Variants in TTN observed in about 807,000 individuals in gnomAD.
TTN encodes the protein connectin.
Under a neutral mutation model 3,223.0 loss-of-function variants are expected in TTN, and 1,525 were observed. The ratio of observed to expected loss-of-function variants is 0.47; its 90% CI spans 0.45 to 0.49. The LOEUF (loss-of-function observed/expected upper bound fraction) is 0.49. TTN is among the 20% of genes least tolerant of loss of function. TTN has a pLI of 0.00. For missense variants in TTN, 40,786 were observed against 43,424.0 expected (o/e 0.94, Z 5.40); for synonymous variants, 14,094 against 15,161.0 (o/e 0.93, Z 5.17).
Position 178,740,111 on chromosome 2 carries a change from T to A in TTN, c.13122A>T (p.Gly4374=). The A allele has an allele frequency of 6.2e-7, 1 of 1,613,910 alleles. No individual in the cohort carries two copies. Among genetic ancestry groups the A allele is most frequent in the Non-Finnish European group, 8.5e-7 (1 of 1,179,850 alleles). ...VAIKKVQEVQ[G]RDLLSKESLL... is the part of the protein sequence containing the mutation. ...AGCTTTCCTTAGAAAGAAGGTCCCT[T>A]CCCTGTACCTCCTGCACTTTCTTTA... Residue 4374 remains glycine (G), a synonymous_variant, in exon 48 of 363, where the codon GGA becomes GGT. Coordinates refer to ENST00000589042, the MANE Select transcript of TTN (RefSeq NM_001267550.2).
rs1701982958 is a variant in TTN at position 178,557,548 on chromosome 2, A to G, written c.87714T>C (p.Pro29238=). 2 of 1,605,478 alleles carry G rather than the reference A, an allele frequency of 1.2e-6. No individual in the cohort carries two copies. Among genetic ancestry groups the G allele is most frequent in the African/African-American group, 1.4e-5 (1 of 72,480 alleles). Residue 29238 remains proline (P), a synonymous_variant, in exon 329 of 363, where the codon CCT becomes CCC. Transcript: ENST00000589042. ...CVTVKLPYTT[P]GPPSTPWVTN... is the part of the protein sequence containing the mutation. ...TGACCCATGGTGTAGATGGTGGTCC[A>G]GGTGTTGCTACAAAAGAGAGAAATC...
rs750613160 is a variant in TTN, at chr2:178,664,556, T to A, written c.36203-19A>T. Reference sequence around the variant, plus strand: ...TCCGGCACTTTGAAGATATTAATAATTTTACATTTAGAAGTTACAAGAATC... The same window carrying A: ...TCCGGCACTTTGAAGATATTAATAAATTTACATTTAGAAGTTACAAGAATC... On this transcript the variant is annotated intron_variant, in intron 167 of 362. Transcript: ENST00000589042. The A allele has an allele frequency of 8.1e-6, 13 of 1,606,926 alleles. No individual in the cohort carries two copies. The East Asian group carries it at 2.7e-4, about 33-fold the overall frequency.
In TTN at chr2:178,608,786, T is replaced by C. The variant is rs1203045644; in HGVS notation, c.52225A>G (p.Lys17409Glu). ...TCTGAGTCGGGTTTTGTCTTGTCTT[T>C]CTTTTCCAAAGTGTAGTTTATGATT... ...SEIINYTLEK[K>E]DKTKPDSEWI... The change falls in exon 274 of 363, where the codon AAA (lysine) becomes GAA (glutamate). Residue 17409 changes from lysine to glutamate, a missense_variant. Transcript: ENST00000589042. 1.2e-6 allele frequency: 2 copies of C among 1,612,678 alleles called. No individual in the cohort carries two copies. Among genetic ancestry groups the C allele is most frequent in the Non-Finnish European group, 1.7e-6 (2 of 1,179,242 alleles).
At chr2:178,751,823 C>T (rs1265209895) in intron 47 of TTN, 1 of 1,612,842 alleles carries the variant, frequency 6.2e-7, no homozygotes, top group East Asian at 2.2e-5. Flanking sequence ...GGCAATTAAT[C>T]TACATGTAAA....
intron 47 of TTN, among the ~76,000 whole-genome samples, chr2:178,744,173 A>G (rs2083011877): frequency 6.6e-6 from 1 of 151,962 alleles, no homozygotes; most frequent in Non-Finnish European, 1.5e-5. Flanking sequence ...ATGGTACTTA[A>G]ATATTGCTAA....
At chr2:178,744,476 G>T in intron 47 of TTN, 1 of 853,884 alleles carries the variant, frequency 1.2e-6, no homozygotes, top group Non-Finnish European at 1.4e-6. Flanking sequence ...ATATTAAGGA[G>T]TATGTTAATT....
intron 295 of TTN, 71 bp downstream of exon 295, chr2:178,595,436 T>A (rs2051294766): frequency 1.6e-5 from 23 of 1,431,266 alleles, no homozygotes; most frequent in Non-Finnish European, 2.1e-5. Context: ...TATACACATA[T>A]TTTTTCACCA....
At position 178,547,822 on chromosome 2, in the gene TTN, T is replaced by A; in HGVS notation, c.93804A>T (p.Lys31268Asn). Residue 31268 changes from lysine (K) to asparagine (N), a missense_variant, in exon 339 of 363, where the codon AAA (lysine) becomes AAT (asparagine). Coordinates refer to ENST00000589042, the MANE Select transcript of TTN (RefSeq NM_001267550.2). ...ETDRVSITTT[K>N]DRTTLTVKDS... ...CCTTTACAGTCAGTGTGGTTCTGTC[T>A]TTTGTTGTTGTAATGCTCACTCGAT... The A allele has an allele frequency of 6.2e-7, 1 of 1,613,910 alleles. No homozygotes were observed. The highest frequency in any genetic ancestry group is 8.5e-7 in the Non-Finnish European group (1 of 1,179,838).
intron 44 of TTN, 86 bp from the exon 45 acceptor site, chr2:178,758,002 T>C: frequency 7.1e-7 from 1 of 1,410,220 alleles, no homozygotes; most frequent in Non-Finnish European, 9.5e-7. Flanking sequence ...TTGTCACAAA[T>C]TTCAATAATG....
At chr2:178,769,026 T>C (rs1374201474) in intron 37 of TTN, 93 bp from the exon 38 acceptor site, 1 of 1,421,470 alleles carries the variant, frequency 7.0e-7, no homozygotes, top group South Asian at 1.2e-5. Context: ...GGAATGTTTT[T>C]AGTGCGTCTG....
chr2:178,678,477 G>T lies in TTN; in HGVS notation c.33847C>A (p.Pro11283Thr). Residue 11283 changes from proline to threonine, a missense_variant, in exon 144 of 363, where the codon CCT (proline) becomes ACT (threonine). Pro to Thr is a conservative substitution (Grantham distance 38, BLOSUM62 -1). Transcript: ENST00000589042. ...ACTGGCACCTTCTTCTCAGGCACAG[G>T]CTTCTTGGGTACCTCTGGCACTTTA... ...PAKVPEVPKK[P>T]VPEKKVPVPA... 6.3e-7 allele frequency: 1 copy of T among 1,591,524 alleles called. No individual in the cohort carries two copies. The highest frequency in any genetic ancestry group is 1.3e-5 in the African/African-American group (1 of 74,234).
At position 178,694,612 on chromosome 2, in the gene TTN, A is replaced by G; in HGVS notation, c.31413T>C (p.Val10471=). The change falls in exon 117 of 363, where the codon GTT becomes GTC. Residue 10471 remains valine, a synonymous_variant. Coordinates refer to ENST00000589042, the MANE Select transcript of TTN (RefSeq NM_001267550.2). ...AAAGATGTATACCTTTCACTTCAAT[A>G]ACTTCTTCCTGTACTGGAGTCCGGG... ...KPSRTPVQEE[V]IEVKVPAVHT... is the part of the protein sequence containing the mutation. 1 of 1,557,470 alleles carries G rather than the reference A, an allele frequency of 6.4e-7. No individual in the cohort carries two copies. The highest frequency in any genetic ancestry group is 8.7e-7 in the Non-Finnish European group (1 of 1,149,344).
Position 178,722,815 on chromosome 2 carries a change from T to C in TTN, c.22084A>G (p.Lys7362Glu). 1 of 1,613,366 alleles carries C rather than the reference T, an allele frequency of 6.2e-7. No individual in the cohort carries two copies. The highest frequency in any genetic ancestry group is 8.5e-7 in the Non-Finnish European group (1 of 1,179,564). The change falls in exon 76 of 363, where the codon AAA becomes GAA. Residue 7362 changes from lysine (K) to glutamate (E), a missense_variant. By Grantham distance (56) the Lys-to-Glu change is moderately conservative. Coordinates refer to ENST00000589042, the MANE Select transcript of TTN (RefSeq NM_001267550.2). ...ITVSWYKGDTKLRPTPEYRTY... is the reference protein window; with the variant it reads ...ITVSWYKGDTELRPTPEYRTY... ...CTGTATTCAGGAGTTGGCCGTAATT[T>C]GGTATCTCCTTTGTACCAAGACACT...
Position 178,574,604 on chromosome 2 carries a change from A to C in TTN, c.71528T>G (p.Met23843Arg). The C allele has an allele frequency of 6.2e-7, 1 of 1,613,298 alleles. No individual in the cohort carries two copies. Among genetic ancestry groups the C allele is most frequent in the East Asian group, 2.2e-5 (1 of 44,768 alleles). Residue 23843 changes from methionine (M) to arginine (R), a missense_variant, in exon 326 of 363, where the codon ATG becomes AGG. By Grantham distance (91) the Met-to-Arg change is moderately conservative. Transcript: ENST00000589042. Reference protein sequence around the residue: ...PQVTAVTKDSMTISWHEPLSD... With the variant: ...PQVTAVTKDSRTISWHEPLSD... ...AAGTGGCTCATGCCAGCTAATTGTCATTGAATCCTTGGTAACTGCAGTTAC... is the reference window on the plus strand; with the variant it reads ...AAGTGGCTCATGCCAGCTAATTGTCCTTGAATCCTTGGTAACTGCAGTTAC...
intron 147 of TTN, among the ~76,000 whole-genome samples, chr2:178,676,318 A>G (rs1013986643): frequency 1.3e-5 from 2 of 151,868 alleles, no homozygotes; most frequent in African/African-American, 4.8e-5. Flanking sequence ...CTAGTAATTT[A>G]TTGTCTAGAA....
Position 178,562,542 on chromosome 2 carries a change from G to A in TTN, c.83590C>T (p.Pro27864Ser), listed in dbSNP as rs1553568366. Residue 27864 changes from proline (P) to serine (S), a missense_variant, in exon 326 of 363, where the codon CCC becomes TCC. Physicochemically the swap from Pro to Ser is moderately conservative, Grantham distance 74. Transcript: ENST00000589042. The stretch of plus-strand genomic sequence containing the variant: ...AGAGTTACTCTTCCAGGTGGGAGGG[G>A]TGGTTCAGACACTTTAACGGGTTCT... The part of the protein sequence containing the change: ...TTEPVKVSEP[P>S]LPPGRVTLVD... 1.2e-6 allele frequency: 2 copies of A among 1,610,390 alleles called. No homozygotes were observed. Among genetic ancestry groups the A allele is most frequent in the African/African-American group, 1.3e-5 (1 of 74,818 alleles).
At position 178,580,075 on chromosome 2, in the gene TTN, C is replaced by A; in HGVS notation, c.67212G>T (p.Val22404=). Residue 22404 remains valine (V), a synonymous_variant, in exon 318 of 363, where the codon GTG becomes GTT. Coordinates refer to ENST00000589042, the MANE Select transcript of TTN (RefSeq NM_001267550.2). ...RDAERKSWST[V]TTECSKTSFR... Reference sequence around the variant, plus strand: ...AGCTTGTTTTGGAGCACTCAGTTGTCACTGTAGACCAGGATTTCCTCTCTG... The same window carrying A: ...AGCTTGTTTTGGAGCACTCAGTTGTAACTGTAGACCAGGATTTCCTCTCTG... 1 of 1,613,344 alleles carries A rather than the reference C, an allele frequency of 6.2e-7. No individual in the cohort carries two copies. The highest frequency in any genetic ancestry group is 8.5e-7 in the Non-Finnish European group (1 of 1,179,482).
At position 178,620,799 on chromosome 2, in the gene TTN, AGT is replaced by A. The variant is rs2154211339; in HGVS notation, c.45809_45810del (p.His15270LeufsTer3). ...ACATTATAGTTGGCTTGGTCATCTA[AGT>A]GTGCATCTCTAATTCTGAGGGTGTA... ...LVYTLRIRDA[H>X]LDDQANYNVS... is the part of the protein sequence containing the mutation. On this transcript the variant is annotated frameshift_variant, in exon 247 of 363. Coordinates refer to ENST00000589042, the MANE Select transcript of TTN (RefSeq NM_001267550.2). LOFTEE classifies it high-confidence loss of function. 1 of 1,612,766 alleles carries A rather than the reference AGT, an allele frequency of 6.2e-7. No homozygotes were observed. The highest frequency in any genetic ancestry group is 2.2e-5 in the East Asian group (1 of 44,772).
At chr2:178,529,319 T>C in intron 359 of TTN, 100 bp from the exon 360 acceptor site, 1 of 919,188 alleles carries the variant, frequency 1.1e-6, no homozygotes, top group Non-Finnish European at 1.5e-6. Flanking sequence ...AGAAAAAAAG[T>C]CAACTTCTTC....
Sources: allele counts gnomAD v4.1 joint callset (sites outside exome capture counted in the v4.1 genomes callset), GRCh38; gene constraint gnomAD v4.1.1; transcripts MANE v1.5; gene names NCBI Gene and HGNC (gene_info 2026-07-23, HGNC 2026-07-21).